Variants in SCN10A observed in about 807,000 individuals in gnomAD.
SCN10A encodes the protein sodium channel protein type 10 subunit alpha.
A neutral mutation model predicts 170.7 loss-of-function variants in SCN10A; 162 were observed. That is an observed-to-expected ratio of 0.95 (90% CI 0.84 to 1.08). The LOEUF is 1.08. Among genes scored for constraint, SCN10A ranks in the 50% least tolerant of loss-of-function variants. The pLI is 0.00. For missense variants in SCN10A, 2,527 were observed against 2,436.9 expected (o/e 1.04, Z -0.78); for synonymous variants, 985 against 904.6 (o/e 1.09, Z -1.59).
rs145971408 is a variant in SCN10A, at chr3:38,812,798, C to G, written c.-33+3239G>C. Among the ~76,000 whole-genome samples, 562 of 152,212 alleles carry G rather than the reference C, an allele frequency of 3.7e-3. 5 individuals carry two copies. Among genetic ancestry groups the G allele is most frequent in the Middle Eastern group, 0.017 (5 of 294 alleles). ...CCTGTAATCCCATCATTTTGGGAGGCTGCAGTAGGAGGACCACTTGAGCCA... is the reference window on the plus strand; with the variant it reads ...CCTGTAATCCCATCATTTTGGGAGGGTGCAGTAGGAGGACCACTTGAGCCA... On this transcript the variant is annotated intron_variant, in intron 1 of 27. Transcript: ENST00000449082.
At chr3:38,773,337 C>A (rs975169784) in intron 4 of SCN10A, among the ~76,000 whole-genome samples, 7 of 151,870 alleles carry the variant, frequency 4.6e-5, no homozygotes, top group African/African-American at 1.7e-4. Context: ...ATGCTCCATT[C>A]AAACAAGAAA....
chr3:38,761,410 C>T (rs777359688), intron 6 of SCN10A, 27 bp from the exon 7 acceptor site: 1 of 1,596,288 alleles, frequency 6.3e-7, no homozygotes, highest in Non-Finnish European at 8.6e-7. Context: ...GTGGTATGAC[C>T]ACATGGATGA....
At chr3:38,701,814 C>A in intron 27 of SCN10A, 25 bp downstream of exon 27, 4 of 1,576,488 alleles carry the variant, frequency 2.5e-6, no homozygotes, top group Non-Finnish European at 3.4e-6. Flanking sequence ...GGTGGGGCTT[C>A]CCCACCACGT....
At chr3:38,727,802 C>A (rs2063473160) in intron 16 of SCN10A, among the ~76,000 whole-genome samples, 1 of 152,162 alleles carries the variant, frequency 6.6e-6, no homozygotes. Flanking sequence ...AGGGCAAGGA[C>A]CCCACCATGA....
chr3:38,791,987 T>G, intron 3 of SCN10A, 63 bp downstream of exon 3: 1 of 1,590,262 alleles, frequency 6.3e-7, no homozygotes, highest in Non-Finnish European at 8.6e-7. Context: ...CTAAAGAAGG[T>G]ACTGGACACA....
chr3:38,754,810 G>C (rs530398209), intron 11 of SCN10A, among the ~76,000 whole-genome samples: 1 of 152,036 alleles, frequency 6.6e-6, no homozygotes, highest in Non-Finnish European at 1.5e-5. Context: ...AATATCCTTC[G>C]GCTTAGCACA....
intron 1 of SCN10A, among the ~76,000 whole-genome samples, chr3:38,801,261 G>A (rs746407470): frequency 9.9e-5 from 15 of 152,072 alleles, no homozygotes; most frequent in African/African-American, 3.1e-4. Flanking sequence ...TCAAATCCTC[G>A]ATTCACAACA....
At chr3:38,795,245 C>G (rs775298771) in intron 1 of SCN10A, among the ~76,000 whole-genome samples, 1 of 152,058 alleles carries the variant, frequency 6.6e-6, no homozygotes, top group Admixed American at 6.6e-5. Context: ...CCTCCTATCT[C>G]ACTAAAATGC....
intron 12 of SCN10A, among the ~76,000 whole-genome samples, chr3:38,751,929 T>G (rs749308980): frequency 6.6e-6 from 1 of 152,162 alleles, no homozygotes; most frequent in Non-Finnish European, 1.5e-5. Flanking sequence ...ACTGAGGCAG[T>G]GATGTTGAGT....
chr3:38,780,555 G>A (rs2064127461), intron 4 of SCN10A, among the ~76,000 whole-genome samples: 1 of 151,730 alleles, frequency 6.6e-6, no homozygotes, highest in Non-Finnish European at 1.5e-5. Context: ...AGTAATTGTG[G>A]TTTTTGCATT....
At position 38,709,202 on chromosome 3, in the gene SCN10A, C is replaced by T. The variant is rs28535395; in HGVS notation, c.4281+276G>A. Among the ~76,000 whole-genome samples the T allele has an allele frequency of 0.021, 3,219 of 152,254 alleles. 64 individuals are homozygous for T. Among genetic ancestry groups the T allele is most frequent in the African/African-American group, 0.046 (1,931 of 41,534 alleles). On this transcript the variant is annotated intron_variant, in intron 25 of 27. Transcript: ENST00000449082. Reference sequence around the variant, plus strand: ...TCCCTGCTTGTATTCTCCCAGGGCTCACTTGGAACACATCTAACACACCTG... The same window carrying T: ...TCCCTGCTTGTATTCTCCCAGGGCTTACTTGGAACACATCTAACACACCTG...
chr3:38,806,451 C>T (rs1003063510), intron 1 of SCN10A, among the ~76,000 whole-genome samples: 5 of 152,058 alleles, frequency 3.3e-5, no homozygotes, highest in African/African-American at 4.8e-5. Context: ...GCTACAGAAA[C>T]CTTGAGTTAT....
intron 20 of SCN10A, among the ~76,000 whole-genome samples, chr3:38,719,421 T>G: frequency 8.7e-6 from 1 of 114,920 alleles, no homozygotes; most frequent in Non-Finnish European, 1.7e-5. Flanking sequence ...TGAGACGGAG[T>G]CTCGCTCTGT....
At chr3:38,698,653 T>C in intron 27 of SCN10A, 91 bp from the exon 28 acceptor site, 3 of 1,257,344 alleles carry the variant, frequency 2.4e-6, no homozygotes, top group Non-Finnish European at 3.4e-6. Context: ...TTGCTTGGTA[T>C]AGACTGCCAC....
intron 11 of SCN10A, among the ~76,000 whole-genome samples, chr3:38,754,309 A>G (rs576343392): frequency 6.6e-6 from 1 of 152,336 alleles, no homozygotes; most frequent in South Asian, 2.1e-4. Flanking sequence ...TGTGTCTCTA[A>G]TACACTATTT....
chr3:38,756,994 G>T, intron 9 of SCN10A, 24 bp downstream of exon 9: 5 of 1,604,076 alleles, frequency 3.1e-6, no homozygotes, highest in Non-Finnish European at 4.3e-6. Flanking sequence ...AACCAAGTCT[G>T]CGTGGGGGAA....
In SCN10A at chr3:38,723,554, C is replaced by T. The variant is rs1408879863; in HGVS notation, c.3229-1G>A. ...CAGAGGAGCTTGTGTCGTCCACTCC[C>T]TGCAGGGGAGAAGCCCAGGGCAGTG... is the stretch of plus-strand genomic sequence containing the variant. On this transcript the variant is annotated splice_acceptor_variant, in intron 18 of 27. Coordinates refer to ENST00000449082, the MANE Select transcript of SCN10A (RefSeq NM_006514.4). LOFTEE classifies it high-confidence loss of function. 2 of 1,585,630 alleles carry T rather than the reference C, an allele frequency of 1.3e-6. No individual in the cohort carries two copies. Among genetic ancestry groups the T allele is most frequent in the Admixed American group, 3.7e-5 (2 of 54,792 alleles).
chr3:38,717,638 G>A (rs111749887), intron 21 of SCN10A, among the ~76,000 whole-genome samples: 1,526 of 152,322 alleles, frequency 0.01, 27 homozygotes, highest in African/African-American at 0.033. Context: ...AGCACAGGAG[G>A]CTGGACAGAA....
At chr3:38,779,214 A>T (rs1003318344) in intron 4 of SCN10A, among the ~76,000 whole-genome samples, 1 of 152,158 alleles carries the variant, frequency 6.6e-6, no homozygotes, top group Non-Finnish European at 1.5e-5. Context: ...GTGAATGTCT[A>T]TCAATAGGAA....
Sources: allele counts gnomAD v4.1 joint callset (sites outside exome capture counted in the v4.1 genomes callset), GRCh38; gene constraint gnomAD v4.1.1; transcripts MANE v1.5; gene names NCBI Gene and HGNC (gene_info 2026-07-23, HGNC 2026-07-21).